PAX5: variants seen among roughly 807,000 people sequenced by gnomAD.
PAX5 encodes the protein paired box protein Pax-5.
Under a neutral mutation model 43.7 loss-of-function variants are expected in PAX5, and 9 were observed. That is an observed-to-expected ratio of 0.21 (90% confidence interval 0.12 to 0.36). The LOEUF (loss-of-function observed/expected upper bound fraction) is 0.36. PAX5 is among the 10% of genes least tolerant of loss of function. The pLI is 1.00. For synonymous variants in PAX5, 228 were observed against 214.3 expected, an observed-to-expected ratio of 1.06 and a Z score of -0.56; for missense variants, 383 against 532.7, an observed-to-expected ratio of 0.72 and a Z score of 2.77.
At chr9:36,932,153 G>A (rs1325324416) in intron 6 of PAX5, among the ~76,000 whole-genome samples, 1 of 152,028 alleles carries the variant, frequency 6.6e-6, no homozygotes, top group Admixed American at 6.6e-5. Flanking sequence ...CATGCCTGTA[G>A]TCCCAGCTAT....
Position 36,882,093 on chromosome 9 carries a change from G to A in PAX5, c.923C>T (p.Ala308Val), listed in dbSNP as rs35077960. 1,203 of 1,595,034 alleles carry A rather than the reference G, an allele frequency of 7.5e-4. 12 individuals are homozygous for A. In the African/African-American group the frequency reaches 0.015, roughly 20 times the overall value. ...AGGGTACCCGGGGAGGGTCGTGCTC[G>A]CCAAGTCACGGCCTGAGGAATCAAA... The part of the protein sequence containing the change: ...SYPIVTGRDL[A>V]STTLPGYPPH... Residue 308 changes from alanine to valine, a missense_variant, in exon 8 of 10, where the codon GCG becomes GTG. Around this residue, in one of 5 missense-constraint regions of PAX5, gnomAD observed 291 missense variants for 342.5 expected, o/e 0.85. Transcript: ENST00000358127. The surrounding 1 kb of genome is among the most constrained non-coding windows in gnomAD (Gnocchi z 4.4).
chr9:36,927,699 CCTTTTT>C (rs1830760667), intron 6 of PAX5, among the ~76,000 whole-genome samples: 1 of 140,560 alleles, frequency 7.1e-6, no homozygotes, highest in Admixed American at 7.4e-5. Context: ...CTGTGCCTTT[CCTTTTT>C]CTTTTTCTTT....
chr9:36,919,648 C>A lies in PAX5; in HGVS notation c.910+3707G>T, dbSNP rs535140960. Among the ~76,000 whole-genome samples, 7 of 152,132 alleles carry A rather than the reference C, an allele frequency of 4.6e-5. No individual in the cohort carries two copies. The South Asian group carries it at 1.5e-3, about 32-fold the overall frequency. On this transcript the variant is annotated intron_variant, in intron 7 of 9. Transcript: ENST00000358127. ...CATGAGGTCAGGAGTTAAGACCATC[C>A]TGGTCAAGATGGTGAAACTCCGTCT...
chr9:37,016,981 C>G (rs1010888470), intron 2 of PAX5, among the ~76,000 whole-genome samples: 1 of 152,206 alleles, frequency 6.6e-6, no homozygotes, highest in Non-Finnish European at 1.5e-5. Flanking sequence ...AAAACTCAAC[C>G]TATCTTCCCT....
chr9:36,861,770 T>G (rs73648151), intron 8 of PAX5, among the ~76,000 whole-genome samples: 1,520 of 148,558 alleles, frequency 0.01, 27 homozygotes, highest in African/African-American at 0.036. Context: ...AAGTGGGGAG[T>G]GGGAGATAGG....
intron 7 of PAX5, among the ~76,000 whole-genome samples, chr9:36,898,771 C>T (rs1386041406): frequency 3.3e-5 from 5 of 152,150 alleles, no homozygotes; most frequent in African/African-American, 1.2e-4. Flanking sequence ...ATAATGAGGG[C>T]ACCCAGCAGG....
intron 6 of PAX5, among the ~76,000 whole-genome samples, chr9:36,944,500 A>C (rs1424444076): frequency 1.3e-5 from 2 of 152,274 alleles, no homozygotes; most frequent in African/African-American, 4.8e-5. Context: ...GGAGGCTTTT[A>C]ATCTCACTCC....
rs762027764 is a variant in PAX5, at chr9:36,849,969, G to A, written c.1013-3040C>T. Reference sequence around the variant, plus strand: ...AGGGAGCCCTCACCCCATGAGATCCGGAGAAGCTAGGTCCTTAGTCAACAG... The same window carrying A: ...AGGGAGCCCTCACCCCATGAGATCCAGAGAAGCTAGGTCCTTAGTCAACAG... On this transcript the variant is annotated intron_variant, in intron 8 of 9. Transcript: ENST00000358127. Among the ~76,000 whole-genome samples the A allele has an allele frequency of 7.3e-4, 110 of 151,694 alleles. 2 individuals carry two copies. The highest frequency in any genetic ancestry group is 3.9e-4 in the Admixed American group (6 of 15,238).
chr9:36,993,815 C>G (rs1423142817), intron 5 of PAX5, among the ~76,000 whole-genome samples: 2 of 152,166 alleles, frequency 1.3e-5, no homozygotes, highest in Non-Finnish European at 2.9e-5. Flanking sequence ...CACTCTTTTA[C>G]TGGTTGGCCC....
chr9:36,848,348 GT>G (rs1822792802), intron 8 of PAX5, among the ~76,000 whole-genome samples: 1 of 11,024 alleles, frequency 9.1e-5, no homozygotes, highest in African/African-American at 2.1e-4. Context: ...GGCAGAGCGT[GT>G]CCACACACAC....
chr9:36,897,123 C>T (rs1257736749), intron 7 of PAX5, among the ~76,000 whole-genome samples: 1 of 152,194 alleles, frequency 6.6e-6, no homozygotes, highest in Non-Finnish European at 1.5e-5. Context: ...CTGCTGCCTC[C>T]TGTGAGCCTG....
chr9:36,880,625 C>T (rs1279719630), intron 8 of PAX5, among the ~76,000 whole-genome samples: 6 of 152,218 alleles, frequency 3.9e-5, no homozygotes, highest in Admixed American at 2.0e-4. Flanking sequence ...TGCAGTGGCA[C>T]GATCTTGGCT....
chr9:36,941,707 A>G (rs778384076), intron 6 of PAX5, among the ~76,000 whole-genome samples: 6 of 150,792 alleles, frequency 4.0e-5, no homozygotes, highest in Non-Finnish European at 8.9e-5. Flanking sequence ...TGGGGAGGCA[A>G]ACTTGGTGGA....
chr9:36,861,282 C>T (rs1370900047), intron 8 of PAX5: 1 of 151,450 alleles, frequency 6.6e-6, no homozygotes, highest in African/African-American at 2.4e-5. Flanking sequence ...GTCGCAATTT[C>T]ATCCATCCAT....
rs564257443 is a variant in PAX5 at position 37,002,005 on chromosome 9, C to T, written c.604+643G>A. ...GAGACCCAGGCACCACAGGGCCAGG[C>T]CCGTGGAGGGGCTGAGAAAAACCAA... is the stretch of plus-strand genomic sequence containing the variant. On this transcript the variant is annotated intron_variant, in intron 5 of 9. Coordinates refer to ENST00000358127, the MANE Select transcript of PAX5 (RefSeq NM_016734.3). Among the ~76,000 whole-genome samples the T allele has an allele frequency of 2.0e-5, 3 of 152,028 alleles. 1 individual carries two copies. The South Asian group carries it at 6.3e-4, about 32-fold the overall frequency.
At chr9:36,930,216 CTTTTTTTTTTTTTTTTT>C (rs144710055) in intron 6 of PAX5, among the ~76,000 whole-genome samples, 1 of 85,524 alleles carries the variant, frequency 1.2e-5, no homozygotes, top group Non-Finnish European at 2.1e-5. Flanking sequence ...GATGGATGTC[CTTTTTTTTTTTTTTTTT>C]TTTTTTTTGA....
chr9:36,968,932 TGCACAC>T (rs964406163), intron 5 of PAX5, among the ~76,000 whole-genome samples: 1 of 152,042 alleles, frequency 6.6e-6, no homozygotes, highest in East Asian at 1.9e-4. Flanking sequence ...CACACACACA[TGCACAC>T]GCACACGCAC....
chr9:36,841,035 G>C (rs1822005812), intron 9 of PAX5, among the ~76,000 whole-genome samples: 1 of 152,150 alleles, frequency 6.6e-6, no homozygotes, highest in African/African-American at 2.4e-5. Flanking sequence ...TTTACTCTCT[G>C]GCTCTTTATA....
intron 8 of PAX5, among the ~76,000 whole-genome samples, chr9:36,880,234 T>C (rs1826282789): frequency 6.6e-6 from 1 of 152,216 alleles, no homozygotes; most frequent in South Asian, 2.1e-4. Flanking sequence ...CCTGGGATCC[T>C]CATCACCACG....
Sources: gnomAD v4.1 joint callset for allele counts (sites outside exome capture counted in the v4.1 genomes callset) on GRCh38, gnomAD v4.1.1 for gene constraint, gnomAD v4.1.1 regional missense constraint, Gnocchi (gnomAD v3.1) non-coding constraint, MANE v1.5 for transcripts, NCBI Gene and HGNC (gene_info 2026-07-23, HGNC 2026-07-21) for gene names.